The following DMP1 variants were observed in gnomAD, a reference collection of about 807,000 sequenced individuals.
DMP1 encodes the protein dentin matrix protein 1.
DMP1 carries 20 observed loss-of-function variants against 14.6 expected under a neutral mutation model. The observed-to-expected ratio is 1.37, with a 90% CI of 0.96 to 1.99. The LOEUF is 1.99. Ranked by LOEUF, DMP1 falls within the 30% of genes most tolerant of loss-of-function variation. DMP1 has a pLI of 0.00. For synonymous variants in DMP1, 197 were observed against 215.3 expected, an observed-to-expected ratio of 0.91 and a Z score of 0.75; for missense variants, 567 against 620.5, an observed-to-expected ratio of 0.91 and a Z score of 0.92.
intron 1 of DMP1, among the ~76,000 whole-genome samples, chr4:87,653,389 A>G (rs1728575746): frequency 1.5e-4 from 2 of 12,978 alleles, no homozygotes; most frequent in East Asian, 2.2e-3. Flanking sequence ...ATCGAGTGAT[A>G]TATATATATA....
At position 87,662,297 on chromosome 4, in the gene DMP1, G is replaced by A; in HGVS notation, c.519G>A (p.Arg173=). The A allele has an allele frequency of 1.9e-6, 3 of 1,614,114 alleles. No individual in the cohort carries two copies. Among genetic ancestry groups the A allele is most frequent in the Non-Finnish European group, 2.5e-6 (3 of 1,180,030 alleles). The change falls in exon 6 of 6, where the codon CGG becomes CGA. Residue 173 remains arginine (R), a synonymous_variant. Transcript: ENST00000339673. ...GCAGGGAACTTGACAATGAGGACCG[G>A]GTGGACAGCAAGCCTGAGGGAGGTG... is the stretch of plus-strand genomic sequence containing the variant. ...SESRELDNED[R]VDSKPEGGDS...
At chr4:87,652,081 G>T (rs1373666191) in intron 1 of DMP1, among the ~76,000 whole-genome samples, 1 of 152,028 alleles carries the variant, frequency 6.6e-6, no homozygotes, top group Non-Finnish European at 1.5e-5. Context: ...AATTCACAGG[G>T]GCAGAAATTC....
chr4:87,661,853 G>A (rs34422173), intron 5 of DMP1, 109 bp from the exon 6 acceptor site: 4 of 1,591,164 alleles, frequency 2.5e-6, no homozygotes, highest in Admixed American at 1.8e-5. Flanking sequence ...CCGTAGATTA[G>A]AGGAGGGGAT....
chr4:87,653,403 A>ATAATATATATATATATATATATAT (rs1728579242), intron 1 of DMP1, among the ~76,000 whole-genome samples: 1 of 94,480 alleles, frequency 1.1e-5, no homozygotes, highest in Non-Finnish European at 2.1e-5. Context: ...ATATATATAT[A>ATAATATATATATATATATATATAT]TATATATATA....
intron 4 of DMP1, 87 bp downstream of exon 4, chr4:87,659,339 T>G (rs535093048): frequency 1.9e-6 from 3 of 1,597,100 alleles, no homozygotes; most frequent in African/African-American, 2.7e-5. Context: ...TTGAAAGTAG[T>G]AAATCCAGAC....
chr4:87,662,096 A>C lies in DMP1; in HGVS notation c.318A>C (p.Glu106Asp), dbSNP rs367916398. 25 of 1,614,106 alleles carry C rather than the reference A, an allele frequency of 1.5e-5. No homozygotes were observed. The African/African-American group carries it at 3.2e-4, about 21-fold the overall frequency. ...GAGGAGATGATAAAGATGACGATGA[A>C]GATGACAGTGGAGATGACACCTTTG... The part of the protein sequence containing the change: ...GKGGDDKDDD[E>D]DDSGDDTFGD... The change falls in exon 6 of 6, where the codon GAA (glutamate) becomes GAC (aspartate). Residue 106 changes from glutamate (E) to aspartate (D), a missense_variant. Transcript: ENST00000339673.
rs543282383 is a variant in DMP1 at position 87,661,722 on chromosome 4, T to C, written c.184-240T>C. Reference sequence around the variant, plus strand: ...ATAAATGTGATTTCCAGAAAGCTTTTTGAGAAAATGTTGGCAGCATTGAGT... The same window carrying C: ...ATAAATGTGATTTCCAGAAAGCTTTCTGAGAAAATGTTGGCAGCATTGAGT... On this transcript the variant is annotated intron_variant, in intron 5 of 5. Transcript: ENST00000339673. 2.6e-5 allele frequency among the ~76,000 whole-genome samples: 4 copies of C among 152,078 alleles called. No individual in the cohort carries two copies. The East Asian group carries it at 7.7e-4, about 29-fold the overall frequency.
Position 87,663,805 on chromosome 4 carries a change from A to G in DMP1, c.*485A>G, listed in dbSNP as rs1245447636. ...TGAGTGCCAAGACAGAGAGCTATGA[A>G]CACGATATCTATCTGGGAACACTGA... On this transcript the variant is annotated 3_prime_UTR_variant, in exon 6 of 6. Transcript: ENST00000339673. 4 of 194,154 alleles carry G rather than the reference A, an allele frequency of 2.1e-5. No homozygotes were observed. The highest frequency in any genetic ancestry group is 1.0e-4 in the South Asian group (1 of 10,024). 12.0% of individuals were successfully genotyped at this position (194,154 alleles called of 1,614,324 possible). A position where few individuals can be genotyped will look rare whatever the true frequency, so the allele number is the denominator to read the frequency against.
intron 1 of DMP1, among the ~76,000 whole-genome samples, chr4:87,654,028 C>T (rs1265520751): frequency 2.0e-5 from 3 of 152,182 alleles, no homozygotes; most frequent in African/African-American, 7.2e-5. Context: ...TGACCTTATA[C>T]TAGTAGACCA....
rs70957272 is a variant in DMP1, at chr4:87,661,204, A to ATTTTTTTTT, written c.184-730_184-722dup. On this transcript the variant is annotated intron_variant, in intron 5 of 5. Coordinates refer to ENST00000339673, the MANE Select transcript of DMP1 (RefSeq NM_004407.4). ...AGGTTTGTGGCACCACAGCCAGCTA[A>ATTTTTTTTT]TTTTTTTTTTTTTTTTTTTTTTTTT... is the stretch of plus-strand genomic sequence containing the variant. Among the ~76,000 whole-genome samples, 25 of 66,650 alleles carry ATTTTTTTTT rather than the reference A, an allele frequency of 3.8e-4. 1 individual carries two copies. The highest frequency in any genetic ancestry group is 1.1e-3 in the East Asian group (3 of 2,704). 43.7% of individuals were successfully genotyped at this position (66,650 alleles called of 152,430 possible). A position where few individuals can be genotyped will look rare whatever the true frequency, so the allele number is the denominator to read the frequency against.
In DMP1 at chr4:87,662,991, G is replaced by T. The variant is rs1728964634; in HGVS notation, c.1213G>T (p.Asp405Tyr). ...SKSESREEQADSESSESLNFS... is the reference protein window; with the variant it reads ...SKSESREEQAYSESSESLNFS... ...AAGTGAATCCAGAGAGGAGCAAGCA[G>T]ACAGCGAATCCAGTGAGAGCCTCAA... Residue 405 changes from aspartate (D) to tyrosine (Y), a missense_variant, in exon 6 of 6, where the codon GAC (aspartate) becomes TAC (tyrosine). Transcript: ENST00000339673. 3 of 1,614,198 alleles carry T rather than the reference G, an allele frequency of 1.9e-6. No homozygotes were observed. The highest frequency in any genetic ancestry group is 2.5e-6 in the Non-Finnish European group (3 of 1,180,032).
chr4:87,656,342 G>A, intron 1 of DMP1, 130 bp from the exon 2 acceptor site: 3 of 692,730 alleles, frequency 4.3e-6, no homozygotes, highest in Non-Finnish European at 7.9e-6. Context: ...TATAGATACA[G>A]TAAATTTTAT....
rs192413622 is a variant in DMP1 at position 87,655,641 on chromosome 4, G to T, written c.-21-831G>T. ...ATCTATTTTGTGTAGACATTATTAT[G>T]CAGTCATAAATGTGACTTAGAAGCC... is the stretch of plus-strand genomic sequence containing the variant. On this transcript the variant is annotated intron_variant, in intron 1 of 5. Transcript: ENST00000339673. Among the ~76,000 whole-genome samples, 519 of 152,102 alleles carry T rather than the reference G, an allele frequency of 3.4e-3. 2 individuals are homozygous for T. Among genetic ancestry groups the T allele is most frequent in the African/African-American group, 0.012 (478 of 41,494 alleles).
chr4:87,659,429 A>G lies in DMP1; in HGVS notation c.136-2A>G. 2 of 1,614,030 alleles carry G rather than the reference A, an allele frequency of 1.2e-6. No individual in the cohort carries two copies. The highest frequency in any genetic ancestry group is 2.2e-5 in the East Asian group (1 of 44,858). ...GAAAAGTAAACATTTTTCCCCTTTC[A>G]GGAGAGCAGTGAGTCATCAGAAGGC... On this transcript the variant is annotated splice_acceptor_variant, in intron 4 of 5. Transcript: ENST00000339673. LOFTEE classifies it high-confidence loss of function.
chr4:87,653,540 C>A (rs1472542087), intron 1 of DMP1, among the ~76,000 whole-genome samples: 3 of 150,570 alleles, frequency 2.0e-5, no homozygotes, highest in Non-Finnish European at 4.4e-5. Flanking sequence ...ATTCTCCCCA[C>A]TCAGCCTCCT....
At position 87,662,336 on chromosome 4, in the gene DMP1, G is replaced by C. The variant is rs898543504; in HGVS notation, c.558G>C (p.Glu186Asp). The change falls in exon 6 of 6, where the codon GAG (glutamate) becomes GAC (aspartate). Residue 186 changes from glutamate (E) to aspartate (D), a missense_variant. Physicochemically the swap from Glu to Asp is conservative, Grantham distance 45. Transcript: ENST00000339673. ...SKPEGGDSTQ[E>D]SESEEHWVGG... ...CTGAGGGAGGTGACTCCACTCAAGAGAGTGAGAGTGAAGAGCACTGGGTGG... is the reference window on the plus strand; with the variant it reads ...CTGAGGGAGGTGACTCCACTCAAGACAGTGAGAGTGAAGAGCACTGGGTGG... 1.2e-6 allele frequency: 2 copies of C among 1,614,064 alleles called. No individual in the cohort carries two copies. The highest frequency in any genetic ancestry group is 1.7e-6 in the Non-Finnish European group (2 of 1,180,002).
chr4:87,662,206 C>A lies in DMP1; in HGVS notation c.428C>A (p.Thr143Asn). 1 of 1,614,192 alleles carries A rather than the reference C, an allele frequency of 6.2e-7. No homozygotes were observed. The highest frequency in any genetic ancestry group is 1.3e-5 in the African/African-American group (1 of 75,036). ...RLGSDEDSDD[T>N]IQASEESAPQ... is the part of the protein sequence containing the mutation. ...GGAAGTGATGAGGACTCTGATGACA[C>A]CATACAAGCCAGTGAAGAGAGTGCC... The change falls in exon 6 of 6, where the codon ACC becomes AAC. Residue 143 changes from threonine (T) to asparagine (N), a missense_variant. Physicochemically the swap from Thr to Asn is moderately conservative, Grantham distance 65 (BLOSUM62 0). Transcript: ENST00000339673.
chr4:87,653,435 T>TATATATATATATATATATATA (rs1728592311), intron 1 of DMP1, among the ~76,000 whole-genome samples: 1 of 79,940 alleles, frequency 1.3e-5, no homozygotes, highest in Non-Finnish European at 2.6e-5. Context: ...ATATATATAC[T>TATATATATATATATATATATA]TTTTTTTTGA....
chr4:87,663,344 T>C lies in DMP1; in HGVS notation c.*24T>C, dbSNP rs759920278. Reference sequence around the variant, plus strand: ...AGCATCAGCTGTCCTAAGAAGCAGTTGTCACATAAAGGAGTCTTAGGGACT... The same window carrying C: ...AGCATCAGCTGTCCTAAGAAGCAGTCGTCACATAAAGGAGTCTTAGGGACT... On this transcript the variant is annotated 3_prime_UTR_variant, in exon 6 of 6. Transcript: ENST00000339673. The C allele has an allele frequency of 1.9e-6, 3 of 1,614,210 alleles. No individual in the cohort carries two copies. In the African/African-American group the frequency reaches 4.0e-5, roughly 22 times the overall value.
Sources: allele counts gnomAD v4.1 joint callset (sites outside exome capture counted in the v4.1 genomes callset), GRCh38; gene constraint gnomAD v4.1.1; transcripts MANE v1.5; gene names NCBI Gene and HGNC (gene_info 2026-07-23, HGNC 2026-07-21).